HTR4: variants seen among roughly 807,000 people sequenced by gnomAD.
HTR4 encodes 5-hydroxytryptamine receptor 4.
In HTR4, 16 loss-of-function variants were observed where a neutral mutation model predicts 36.8. The ratio of observed to expected loss-of-function variants is 0.43; its 90% confidence interval spans 0.29 to 0.66. The LOEUF is 0.66. HTR4 is among the 30% of genes least tolerant of loss of function. The pLI, the probability that HTR4 is intolerant of heterozygous loss-of-function variation, is 0.13. For synonymous variants in HTR4, 189 were observed against 185.1 expected (o/e 1.02, Z -0.17); for missense variants, 438 against 490.9 (o/e 0.89, Z 1.02).
chr5:148,579,212 T>A (rs113242681), intron 2 of HTR4, among the ~76,000 whole-genome samples: 160 of 152,242 alleles, frequency 1.1e-3, no homozygotes, highest in African/African-American at 3.6e-3. Flanking sequence ...GTTTCTTTTT[T>A]CACATTCATG....
chr5:148,523,361 G>A lies in HTR4; in HGVS notation c.354-15C>T. ...TGGCGTAATACCTGGAGAGAGAATA[G>A]AGGGCAGAGCATAGGCATGGGCAAG... is the stretch of plus-strand genomic sequence containing the variant. On this transcript the variant is annotated splice_polypyrimidine_tract_variant and intron_variant, in intron 4 of 6. Coordinates refer to ENST00000377888, the MANE Select transcript of HTR4 (RefSeq NM_000870.7). The A allele has an allele frequency of 6.2e-7, 1 of 1,601,374 alleles. No homozygotes were observed. Among genetic ancestry groups the A allele is most frequent in the East Asian group, 2.2e-5 (1 of 44,460 alleles).
Position 148,519,319 on chromosome 5 carries a change from G to T in HTR4, c.507+3874C>A, listed in dbSNP as rs899049128. ...ATTATGTGAACCCTTTGAATTTTTAGGTGGTTTCTTTCCCATTATGTTAAC... is the reference window on the plus strand; with the variant it reads ...ATTATGTGAACCCTTTGAATTTTTATGTGGTTTCTTTCCCATTATGTTAAC... On this transcript the variant is annotated intron_variant, in intron 5 of 6. Transcript: ENST00000377888. Among the ~76,000 whole-genome samples the T allele has an allele frequency of 2.0e-5, 3 of 152,106 alleles. 1 individual carries two copies. Among genetic ancestry groups the T allele is most frequent in the Admixed American group, 2.0e-4 (3 of 15,260 alleles).
intron 4 of HTR4, among the ~76,000 whole-genome samples, chr5:148,542,552 A>C (rs577894519): frequency 1.2e-4 from 19 of 152,360 alleles, no homozygotes; most frequent in African/African-American, 4.6e-4. Flanking sequence ...AGCTGTGCAG[A>C]GGAAGGGTGA....
chr5:148,533,444 G>A (rs1206105658), intron 4 of HTR4, among the ~76,000 whole-genome samples: 3 of 152,192 alleles, frequency 2.0e-5, no homozygotes, highest in Non-Finnish European at 2.9e-5. Context: ...GCTTTTAAAT[G>A]TCTCTGGGGA....
intron 2 of HTR4, among the ~76,000 whole-genome samples, chr5:148,561,590 T>C (rs1760215352): frequency 6.6e-6 from 1 of 152,156 alleles, no homozygotes; most frequent in Non-Finnish European, 1.5e-5. Flanking sequence ...TCTTTATATG[T>C]GCACAGTCTA....
At chr5:148,554,237 G>A (rs1441408345) in intron 2 of HTR4, among the ~76,000 whole-genome samples, 1 of 152,034 alleles carries the variant, frequency 6.6e-6, no homozygotes, top group African/African-American at 2.4e-5. Flanking sequence ...CACCATGCCT[G>A]GCTAATTTTG....
At chr5:148,535,162 G>C (rs967079516) in intron 4 of HTR4, among the ~76,000 whole-genome samples, 1 of 152,120 alleles carries the variant, frequency 6.6e-6, no homozygotes, top group Non-Finnish European at 1.5e-5. Context: ...AAGACAAGAA[G>C]TCAGCTTCAA....
chr5:148,585,543 G>A (rs184575647), intron 2 of HTR4, among the ~76,000 whole-genome samples: 4 of 152,184 alleles, frequency 2.6e-5, no homozygotes, highest in African/African-American at 4.8e-5. Context: ...CTGTTCTCAC[G>A]GGATTTATCT....
At position 148,653,794 on chromosome 5, in the gene HTR4, C is replaced by T. The variant is rs193149139; in HGVS notation, c.-48+268G>A. Among the ~76,000 whole-genome samples, 328 of 152,274 alleles carry T rather than the reference C, an allele frequency of 2.2e-3. 1 individual carries two copies. Among genetic ancestry groups the T allele is most frequent in the Non-Finnish European group, 4.3e-3 (291 of 68,016 alleles). ...CTCCCTTGTATAGTCAGTGAGCACA[C>T]ATGCAGTTTCACAAGTACTTACATA... is the stretch of plus-strand genomic sequence containing the variant. On this transcript the variant is annotated intron_variant, in intron 1 of 6. Transcript: ENST00000377888.
chr5:148,602,744 C>G (rs1044004330), intron 2 of HTR4, among the ~76,000 whole-genome samples: 4 of 151,956 alleles, frequency 2.6e-5, no homozygotes, highest in Non-Finnish European at 5.9e-5. Context: ...CCTAGACAGG[C>G]TTATTAAAAA....
At chr5:148,538,061 C>A (rs1460704685) in intron 4 of HTR4, among the ~76,000 whole-genome samples, 1 of 152,128 alleles carries the variant, frequency 6.6e-6, no homozygotes, top group Non-Finnish European at 1.5e-5. Flanking sequence ...CCTCAGGATT[C>A]AAGGTTGGTT....
chr5:148,503,113 C>G (rs1240100174), intron 6 of HTR4, among the ~76,000 whole-genome samples: 4 of 152,112 alleles, frequency 2.6e-5, no homozygotes, highest in Non-Finnish European at 4.4e-5. Flanking sequence ...CAAGGCAGGC[C>G]AACATTTGAA....
At chr5:148,619,479 G>C (rs772976349) in intron 2 of HTR4, among the ~76,000 whole-genome samples, 2 of 152,128 alleles carry the variant, frequency 1.3e-5, no homozygotes, top group African/African-American at 4.8e-5. Context: ...GAAAACCCAA[G>C]GTAGTGCCTG....
intron 1 of HTR4, among the ~76,000 whole-genome samples, chr5:148,653,231 C>A (rs1251633466): frequency 6.6e-6 from 1 of 152,188 alleles, no homozygotes; most frequent in African/African-American, 2.4e-5. Flanking sequence ...CAAACCTATA[C>A]CCTAAGAAAC....
At chr5:148,517,466 C>G (rs1285393396) in intron 5 of HTR4, among the ~76,000 whole-genome samples, 1 of 151,860 alleles carries the variant, frequency 6.6e-6, no homozygotes, top group Non-Finnish European at 1.5e-5. Flanking sequence ...TAATAGGTAT[C>G]TCAAATAAGT....
chr5:148,592,153 G>A (rs973346471), intron 2 of HTR4, among the ~76,000 whole-genome samples: 3 of 152,130 alleles, frequency 2.0e-5, no homozygotes, highest in Admixed American at 6.5e-5. Flanking sequence ...CAAATAACAT[G>A]TTCTCACTGA....
At chr5:148,632,165 G>T (rs1753345362) in intron 2 of HTR4, among the ~76,000 whole-genome samples, 1 of 152,082 alleles carries the variant, frequency 6.6e-6, no homozygotes, top group Non-Finnish European at 1.5e-5. Context: ...AAGGAAACAA[G>T]ACGAAGCGAT....
rs761582715 is a variant in HTR4 at position 148,544,283 on chromosome 5, CTT to C, written c.353+4383_353+4384del. Among the ~76,000 whole-genome samples, 8 of 42,288 alleles carry C rather than the reference CTT, an allele frequency of 1.9e-4. No individual in the cohort carries two copies. The African/African-American group carries it at 3.2e-3, about 17-fold the overall frequency. 27.7% of individuals were successfully genotyped at this position (42,288 alleles called of 152,430 possible). ...TCTTTCTCTCTCTCTCTCTTTCTCT[CTT>C]TCTCTCTCTCTCCACCTCTCTTTCT... is the stretch of plus-strand genomic sequence containing the variant. On this transcript the variant is annotated intron_variant, in intron 4 of 6. Coordinates refer to ENST00000377888, the MANE Select transcript of HTR4 (RefSeq NM_000870.7).
intron 1 of HTR4, among the ~76,000 whole-genome samples, chr5:148,638,265 G>C (rs1027998936): frequency 6.6e-6 from 1 of 152,222 alleles, no homozygotes; most frequent in African/African-American, 2.4e-5. Flanking sequence ...CATGGGAAAG[G>C]CTCCACCTGC....
Sources: allele counts gnomAD v4.1 joint callset (sites outside exome capture counted in the v4.1 genomes callset), GRCh38; gene constraint gnomAD v4.1.1; transcripts MANE v1.5; gene names NCBI Gene and HGNC (gene_info 2026-07-23, HGNC 2026-07-21).